Variants in CNTNAP5 observed in about 807,000 individuals in gnomAD.
The protein encoded by CNTNAP5 is contactin-associated protein-like 5.
Under a neutral mutation model 150.2 loss-of-function variants are expected in CNTNAP5, and 72 were observed. The observed-to-expected ratio is 0.48, with a 90% CI of 0.40 to 0.58. The LOEUF (loss-of-function observed/expected upper bound fraction) is 0.58. Ranked by LOEUF, CNTNAP5 falls within the 20% of genes least tolerant of loss-of-function variation. The pLI is 0.00. For missense variants in CNTNAP5, 1,636 were observed against 1,626.2 expected (o/e 1.01, Z -0.10); for synonymous variants, 672 against 619.8 (o/e 1.08, Z -1.25).
chr2:124,172,493 A>T (rs1684957200), intron 1 of CNTNAP5, among the ~76,000 whole-genome samples: 1 of 152,052 alleles, frequency 6.6e-6, no homozygotes, highest in Non-Finnish European at 1.5e-5. Flanking sequence ...GCTCACTGCC[A>T]CCTCTGACCC....
Position 124,565,835 on chromosome 2 carries a change from G to A in CNTNAP5, c.1756+2512G>A, listed in dbSNP as rs185443671. Among the ~76,000 whole-genome samples, 1,302 of 152,062 alleles carry A rather than the reference G, an allele frequency of 8.6e-3. 3 individuals are homozygous for A. The highest frequency in any genetic ancestry group is 0.014 in the Non-Finnish European group (967 of 68,000). ...AGAATGGTCTTGATCTCCTGAACTC[G>A]TGATCCTCCCGCCTTGGCCTCCCAA... On this transcript the variant is annotated intron_variant, in intron 11 of 23. Coordinates refer to ENST00000682447, the MANE Select transcript of CNTNAP5 (RefSeq NM_001367498.1).
intron 22 of CNTNAP5, among the ~76,000 whole-genome samples, chr2:124,909,533 G>A (rs1325215117): frequency 6.6e-6 from 1 of 151,998 alleles, no homozygotes; most frequent in Non-Finnish European, 1.5e-5. Context: ...TTTTAAGTAG[G>A]TGGAGTAGCA....
At chr2:124,347,284 C>T (rs72839455) in intron 3 of CNTNAP5, among the ~76,000 whole-genome samples, 44,290 of 151,946 alleles carry the variant, frequency 0.29, 6,533 homozygotes, top group Middle Eastern at 0.37. Context: ...CTAGCTAAGG[C>T]GTTCTCCAGT....
intron 1 of CNTNAP5, among the ~76,000 whole-genome samples, chr2:124,160,070 A>G (rs1246055685): frequency 6.6e-6 from 1 of 152,158 alleles, no homozygotes; most frequent in Non-Finnish European, 1.5e-5. Context: ...GAGAGAAATT[A>G]TAAGAAATCG....
At chr2:124,261,075 A>G (rs1687441375) in intron 3 of CNTNAP5, among the ~76,000 whole-genome samples, 1 of 152,178 alleles carries the variant, frequency 6.6e-6, no homozygotes, top group African/African-American at 2.4e-5. Context: ...TCTATGTATC[A>G]GAAATTTCTT....
At chr2:124,835,601 T>C (rs950972556) in intron 19 of CNTNAP5, among the ~76,000 whole-genome samples, 2 of 152,126 alleles carry the variant, frequency 1.3e-5, no homozygotes, top group Non-Finnish European at 2.9e-5. Context: ...AACCCTGGAA[T>C]GGCATTTGAC....
At chr2:124,310,430 C>T (rs11903880) in intron 3 of CNTNAP5, among the ~76,000 whole-genome samples, 55,011 of 151,802 alleles carry the variant, frequency 0.36, 10,346 homozygotes, top group African/African-American at 0.4. Flanking sequence ...CTTTTATCTC[C>T]ACCTCCCTTC....
intron 16 of CNTNAP5, among the ~76,000 whole-genome samples, chr2:124,771,631 C>A (rs542985456): frequency 1.3e-5 from 2 of 152,176 alleles, no homozygotes; most frequent in East Asian, 3.9e-4. Context: ...CACTGTGCTA[C>A]CCCTTCCAAT....
intron 21 of CNTNAP5, among the ~76,000 whole-genome samples, chr2:124,901,522 C>A (rs1256432973): frequency 1.3e-5 from 2 of 152,130 alleles, no homozygotes; most frequent in African/African-American, 4.8e-5. Flanking sequence ...ATGTGGGTGG[C>A]TTCTAGAAGC....
At chr2:124,754,599 A>T (rs1680798165) in intron 14 of CNTNAP5, among the ~76,000 whole-genome samples, 1 of 152,148 alleles carries the variant, frequency 6.6e-6, no homozygotes, top group Admixed American at 6.5e-5. Flanking sequence ...CTGCTGTTTC[A>T]GTCATTGAAT....
At chr2:124,844,668 G>T (rs1683011360) in intron 19 of CNTNAP5, among the ~76,000 whole-genome samples, 1 of 151,954 alleles carries the variant, frequency 6.6e-6, no homozygotes, top group African/African-American at 2.4e-5. Flanking sequence ...TGTTGTCTAT[G>T]ACTTCTTTCA....
chr2:124,367,272 T>C (rs1690400237), intron 3 of CNTNAP5, among the ~76,000 whole-genome samples: 1 of 151,986 alleles, frequency 6.6e-6, no homozygotes, highest in South Asian at 2.1e-4. Flanking sequence ...AATACTTGAG[T>C]CTGGGTAATT....
At chr2:124,194,497 G>A (rs1327732817) in intron 1 of CNTNAP5, among the ~76,000 whole-genome samples, 7 of 149,538 alleles carry the variant, frequency 4.7e-5, no homozygotes, top group African/African-American at 1.7e-4. Flanking sequence ...TGACAAACAT[G>A]CATTTACTGG....
At chr2:124,734,622 T>G (rs184771368) in intron 13 of CNTNAP5, among the ~76,000 whole-genome samples, 1 of 152,150 alleles carries the variant, frequency 6.6e-6, no homozygotes, top group African/African-American at 2.4e-5. Context: ...AGCAACTGCC[T>G]GTTTTTAATT....
At chr2:124,698,006 A>G (rs1679438290) in intron 13 of CNTNAP5, among the ~76,000 whole-genome samples, 1 of 152,140 alleles carries the variant, frequency 6.6e-6, no homozygotes, top group Admixed American at 6.6e-5. Context: ...TTTAGCATGA[A>G]GAGGTGTGAG....
chr2:124,654,842 G>A (rs779118127), intron 13 of CNTNAP5, among the ~76,000 whole-genome samples: 13 of 151,544 alleles, frequency 8.6e-5, no homozygotes, highest in Admixed American at 4.6e-4. Context: ...AGTGTCTACC[G>A]TTCTTCCACA....
At chr2:124,176,935 C>T (rs1685081229) in intron 1 of CNTNAP5, among the ~76,000 whole-genome samples, 1 of 148,446 alleles carries the variant, frequency 6.7e-6, no homozygotes, top group Admixed American at 6.8e-5. Flanking sequence ...ACTTCTGCCT[C>T]CTGGGTTCAA....
At chr2:124,159,344 A>G (rs1684620045) in intron 1 of CNTNAP5, among the ~76,000 whole-genome samples, 1 of 152,202 alleles carries the variant, frequency 6.6e-6, no homozygotes, top group African/African-American at 2.4e-5. Flanking sequence ...TTTGCAAGCC[A>G]TATGGTGTCT....
chr2:124,704,622 T>A (rs1403909235), intron 13 of CNTNAP5, among the ~76,000 whole-genome samples: 1 of 152,176 alleles, frequency 6.6e-6, no homozygotes, highest in East Asian at 1.9e-4. Flanking sequence ...ATCAACTCTT[T>A]AAAAATGTTT....
Sources: gnomAD v4.1 joint callset for allele counts (sites outside exome capture counted in the v4.1 genomes callset) on GRCh38, gnomAD v4.1.1 for gene constraint, MANE v1.5 for transcripts, NCBI Gene and HGNC (gene_info 2026-07-23, HGNC 2026-07-21) for gene names.